The following LDLRAD4 variants were observed in gnomAD, a reference collection of about 807,000 sequenced individuals.
LDLRAD4 encodes the protein low-density lipoprotein receptor class A domain-containing protein 4.
In LDLRAD4, 5 loss-of-function variants were observed where a neutral mutation model predicts 17.0. The observed-to-expected ratio is 0.29, with a 90% CI of 0.15 to 0.62. The LOEUF (loss-of-function observed/expected upper bound fraction) is 0.62. LDLRAD4 is among the 20% of genes least tolerant of loss of function. LDLRAD4 has a pLI of 0.84. For synonymous variants in LDLRAD4, 168 were observed against 171.8 expected, an observed-to-expected ratio of 0.98 and a Z score of 0.17; for missense variants, 340 against 424.7, an observed-to-expected ratio of 0.80 and a Z score of 1.75.
chr18:13,260,685 GAT>G lies in LDLRAD4; in HGVS notation c.-466-17419_-466-17418del, dbSNP rs2043768508. On this transcript the variant is annotated intron_variant, in intron 1 of 5. Transcript: ENST00000399848. ...GCCACCCTCTCCCTCCCTCCTTACAGATGTCTGTCTTTCCAGGACTGTCCTTG... is the reference window on the plus strand; with the variant it reads ...GCCACCCTCTCCCTCCCTCCTTACAGGTCTGTCTTTCCAGGACTGTCCTTG... Among the ~76,000 whole-genome samples the G allele has an allele frequency of 2.0e-5, 3 of 152,274 alleles. No homozygotes were observed. In the East Asian group the frequency reaches 5.8e-4, roughly 29 times the overall value.
intron 1 of LDLRAD4, among the ~76,000 whole-genome samples, chr18:13,243,291 C>T (rs144559505): frequency 0.014 from 2,172 of 152,276 alleles, 31 homozygotes; most frequent in Middle Eastern, 0.065. Flanking sequence ...GCCTTGGGCA[C>T]GTCACTAACT....
chr18:13,645,535 T>C lies in LDLRAD4; in HGVS notation c.799T>C (p.Phe267Leu). The stretch of plus-strand genomic sequence containing the variant: ...GATGGGCCACCACCCAGGCGCCTCT[T>C]TCCTCCATCACCAGCGCAGCAACGC... Residue 267 changes from phenylalanine (F) to leucine (L), a missense_variant, in exon 6 of 6, where the codon TTC (phenylalanine) becomes CTC (leucine). Physicochemically the swap from Phe to Leu is conservative, Grantham distance 22. Coordinates refer to ENST00000359446, the Ensembl canonical transcript of LDLRAD4. This position sits in a 1 kb window ranked among gnomAD's most constrained non-coding sequence, Gnocchi z 5.7. 1 of 1,610,820 alleles carries C rather than the reference T, an allele frequency of 6.2e-7. No homozygotes were observed. Among genetic ancestry groups the C allele is most frequent in the Non-Finnish European group, 8.5e-7 (1 of 1,178,628 alleles).
chr18:13,420,894 T>C (rs936508691), intron 2 of LDLRAD4: 1 of 152,232 alleles, frequency 6.6e-6, no homozygotes, highest in Non-Finnish European at 1.5e-5. Flanking sequence ...AGCATCTCAG[T>C]GCACAGGGAG....
At chr18:13,278,869 T>A (rs1240830042) in intron 1 of LDLRAD4, among the ~76,000 whole-genome samples, 1 of 152,214 alleles carries the variant, frequency 6.6e-6, no homozygotes, top group Non-Finnish European at 1.5e-5. Flanking sequence ...AACAACTTGA[T>A]GAGGAATCCC....
chr18:13,460,496 T>G (rs1212884344), intron 3 of LDLRAD4, among the ~76,000 whole-genome samples: 1 of 152,246 alleles, frequency 6.6e-6, no homozygotes, highest in African/African-American at 2.4e-5. Context: ...CGTCCTTAAC[T>G]GATAGTTTTA....
chr18:13,282,666 T>A (rs1328612761), intron 1 of LDLRAD4, among the ~76,000 whole-genome samples: 1 of 152,196 alleles, frequency 6.6e-6, no homozygotes, highest in Non-Finnish European at 1.5e-5. Context: ...CCTGGCTGCT[T>A]GCACATGCTG....
At chr18:13,331,838 G>A (rs974897022) in intron 1 of LDLRAD4, among the ~76,000 whole-genome samples, 3 of 152,222 alleles carry the variant, frequency 2.0e-5, no homozygotes, top group Non-Finnish European at 4.4e-5. Context: ...TTCTAGAGAA[G>A]TATAAGTATC....
rs1418033876 is a variant in LDLRAD4, at chr18:13,440,361, C to T, written c.181+1977C>T. 6.6e-6 allele frequency among the ~76,000 whole-genome samples: 1 copy of T among 152,146 alleles called. No individual in the cohort carries two copies. The highest frequency in any genetic ancestry group is 2.1e-4 in the South Asian group (1 of 4,830). On this transcript the variant is annotated intron_variant, in intron 3 of 5. Coordinates refer to ENST00000359446, the Ensembl canonical transcript of LDLRAD4. The surrounding 1 kb of genome is among the most constrained non-coding windows in gnomAD (Gnocchi z 4.4). ...GCTTTTCCACTCATTTTTTAAAATG[C>T]GAGCACTTTAATTCTGCCTAGAAGC...
chr18:13,442,066 C>T (rs759539404), intron 3 of LDLRAD4, among the ~76,000 whole-genome samples: 18 of 152,250 alleles, frequency 1.2e-4, no homozygotes, highest in Admixed American at 2.0e-4. Context: ...TATTGTACCC[C>T]GAGCACTAAA....
At chr18:13,360,670 G>A (rs1395988628) in intron 1 of LDLRAD4, among the ~76,000 whole-genome samples, 3 of 152,210 alleles carry the variant, frequency 2.0e-5, no homozygotes, top group African/African-American at 7.2e-5. Flanking sequence ...ATAAGTTGAT[G>A]TAAGAGAAAA....
intron 4 of LDLRAD4, among the ~76,000 whole-genome samples, chr18:13,628,475 C>T (rs1001370694): frequency 6.6e-6 from 1 of 152,218 alleles, no homozygotes; most frequent in Non-Finnish European, 1.5e-5. Context: ...TAGGGTCCGG[C>T]GGGTTGGCCG....
chr18:13,643,411 A>G (rs537883586), exon 5 of LDLRAD4: 166 of 985,378 alleles, frequency 1.7e-4, no homozygotes, highest in Non-Finnish European at 2.0e-4. Flanking sequence ...GGCGCCTCGG[A>G]GGTAAGGGGC....
At chr18:13,445,292 CTGTG>C (rs957661329) in intron 3 of LDLRAD4, among the ~76,000 whole-genome samples, 1 of 151,900 alleles carries the variant, frequency 6.6e-6, no homozygotes, top group East Asian at 1.9e-4. Context: ...GTGTGTGGGA[CTGTG>C]TGTGGTATTT....
chr18:13,376,207 C>T (rs1239971693), intron 1 of LDLRAD4, among the ~76,000 whole-genome samples: 1 of 152,106 alleles, frequency 6.6e-6, no homozygotes, highest in Non-Finnish European at 1.5e-5. Context: ...GGTCTCCATG[C>T]AGAGTAGGGG....
chr18:13,477,507 A>G (rs2092972769), intron 3 of LDLRAD4, among the ~76,000 whole-genome samples: 1 of 152,248 alleles, frequency 6.6e-6, no homozygotes, highest in Admixed American at 6.5e-5. Context: ...CCAAGCGGAG[A>G]AAACCTGACT....
At chr18:13,290,259 G>C (rs2045889173) in intron 1 of LDLRAD4, among the ~76,000 whole-genome samples, 1 of 152,178 alleles carries the variant, frequency 6.6e-6, no homozygotes, top group Non-Finnish European at 1.5e-5. Flanking sequence ...ATTCCTTCCT[G>C]TCCCTGGTTT....
chr18:13,301,724 C>T (rs1340076451), intron 1 of LDLRAD4, among the ~76,000 whole-genome samples: 1 of 152,202 alleles, frequency 6.6e-6, no homozygotes, highest in East Asian at 1.9e-4. Flanking sequence ...TTTTGTGACC[C>T]TCACTAGGCC....
At chr18:13,259,685 ATCCCTCCC>A (rs890520518) in intron 1 of LDLRAD4, among the ~76,000 whole-genome samples, 2 of 151,754 alleles carry the variant, frequency 1.3e-5, no homozygotes, top group Non-Finnish European at 2.9e-5. Flanking sequence ...CCTATAATCC[ATCCCTCCC>A]TCCCTCCCTC....
At chr18:13,225,642 T>C (rs1458056476) in intron 1 of LDLRAD4, among the ~76,000 whole-genome samples, 1 of 152,216 alleles carries the variant, frequency 6.6e-6, no homozygotes, top group African/African-American at 2.4e-5. Context: ...AAATAACGTT[T>C]TCTTTTCCTG....
Sources: gnomAD v4.1 joint callset for allele counts (sites outside exome capture counted in the v4.1 genomes callset) on GRCh38, gnomAD v4.1.1 for gene constraint, Gnocchi (gnomAD v3.1) non-coding constraint, MANE v1.5 for transcripts, NCBI Gene and HGNC (gene_info 2026-07-23, HGNC 2026-07-21) for gene names.